KCTD16: variants seen among roughly 807,000 people sequenced by gnomAD.
KCTD16 encodes the protein potassium channel tetramerization domain containing 16.
KCTD16 carries 13 observed loss-of-function variants against 33.2 expected under a neutral mutation model. The observed-to-expected ratio is 0.39, with a 90% CI of 0.25 to 0.62. The LOEUF is 0.62. Ranked by LOEUF, KCTD16 falls within the 20% of genes least tolerant of loss-of-function variation. The pLI, the probability that KCTD16 is intolerant of heterozygous loss-of-function variation, is 0.50. For synonymous variants in KCTD16, 197 were observed against 195.3 expected (o/e 1.01, Z -0.07); for missense variants, 441 against 525.1 (o/e 0.84, Z 1.57).
intron 3 of KCTD16, among the ~76,000 whole-genome samples, chr5:144,326,191 A>C (rs73295849): frequency 2.6e-5 from 4 of 152,234 alleles, no homozygotes; most frequent in South Asian, 2.1e-4. Context: ...ATCTGTGACT[A>C]TTTTTCCTCA....
intron 3 of KCTD16, among the ~76,000 whole-genome samples, chr5:144,230,337 G>C (rs59284192): frequency 6.6e-6 from 1 of 152,082 alleles, no homozygotes; most frequent in Non-Finnish European, 1.5e-5. Flanking sequence ...TATAAAAATG[G>C]GTAGGTAATA....
At chr5:144,330,472 A>C (rs1347861368) in intron 3 of KCTD16, among the ~76,000 whole-genome samples, 1 of 151,816 alleles carries the variant, frequency 6.6e-6, no homozygotes, top group African/African-American at 2.4e-5. Context: ...TATAAAAATA[A>C]TCTGACTCTT....
intron 3 of KCTD16, among the ~76,000 whole-genome samples, chr5:144,356,907 GCACACAGT>G (rs1751583550): frequency 6.6e-6 from 1 of 151,174 alleles, no homozygotes; most frequent in South Asian, 2.1e-4. Flanking sequence ...TATTAATAAG[GCACACAGT>G]CACATTTCTT....
chr5:144,371,300 T>C (rs181441956), intron 3 of KCTD16, among the ~76,000 whole-genome samples: 65 of 152,304 alleles, frequency 4.3e-4, no homozygotes, highest in Middle Eastern at 6.8e-3. Context: ...ATGCACTTTT[T>C]TCAAGTATAA....
chr5:144,371,575 G>T (rs542615338), intron 3 of KCTD16, among the ~76,000 whole-genome samples: 5 of 152,080 alleles, frequency 3.3e-5, no homozygotes. Flanking sequence ...CATGCACAAC[G>T]ACAAGAAGCA....
chr5:144,351,614 G>A (rs770348556), intron 3 of KCTD16, among the ~76,000 whole-genome samples: 1 of 152,156 alleles, frequency 6.6e-6, no homozygotes, highest in Non-Finnish European at 1.5e-5. Context: ...CATGTTTATT[G>A]TAGCACTATT....
At chr5:144,367,075 A>T (rs1451838153) in intron 3 of KCTD16, among the ~76,000 whole-genome samples, 1 of 152,204 alleles carries the variant, frequency 6.6e-6, no homozygotes, top group South Asian at 2.1e-4. Flanking sequence ...GCCCAATCAC[A>T]GTTCCTTACC....
Position 144,483,192 on chromosome 5 carries a change from A to G in KCTD16, c.*9078A>G, listed in dbSNP as rs1163129858. 4 of 151,264 alleles carry G rather than the reference A, an allele frequency of 2.6e-5. No homozygotes were observed. The highest frequency in any genetic ancestry group is 2.9e-5 in the Non-Finnish European group (2 of 67,808). The allele number at this position is 151,264 out of a possible 1,614,324, so 9.4% of individuals were successfully genotyped here. A position where few individuals can be genotyped will look rare whatever the true frequency, so the allele number is the denominator to read the frequency against. On this transcript the variant is annotated 3_prime_UTR_variant, in exon 4 of 4. Coordinates refer to ENST00000512467, the MANE Select transcript of KCTD16 (RefSeq NM_020768.4). ...AAACCCAAAACACTACCAAATGAAC[A>G]GTGATAATGTTTAAGAAGAAAAAGA...
rs971056779 is a variant in KCTD16, at chr5:144,449,752, T to A, written c.833-23908T>A. ...TGTAATAGGGAAAAGTATAGTCTTT[T>A]CAACAAATAAATTGGACCTCTATCT... On this transcript the variant is annotated intron_variant, in intron 3 of 3. Transcript: ENST00000512467. Among the ~76,000 whole-genome samples, 20 of 152,122 alleles carry A rather than the reference T, an allele frequency of 1.3e-4. No individual in the cohort carries two copies. The South Asian group carries it at 4.1e-3, about 32-fold the overall frequency.
intron 3 of KCTD16, among the ~76,000 whole-genome samples, chr5:144,209,704 G>A (rs1753305388): frequency 6.6e-6 from 1 of 151,010 alleles, no homozygotes; most frequent in South Asian, 2.1e-4. Context: ...CGAAACCATG[G>A]GAGATGCTCT....
At chr5:144,201,899 T>A (rs1753051449) in intron 2 of KCTD16, among the ~76,000 whole-genome samples, 1 of 152,228 alleles carries the variant, frequency 6.6e-6, no homozygotes, top group Non-Finnish European at 1.5e-5. Context: ...GAAAGCTATC[T>A]CTGCTTGAGG....
intron 3 of KCTD16, among the ~76,000 whole-genome samples, chr5:144,238,407 C>T (rs190706553): frequency 6.6e-6 from 1 of 152,162 alleles, no homozygotes; most frequent in African/African-American, 2.4e-5. Context: ...AGCTCATTTG[C>T]CTTTCATTTA....
intron 1 of KCTD16, among the ~76,000 whole-genome samples, chr5:144,172,634 A>G (rs1328941930): frequency 6.6e-6 from 1 of 152,168 alleles, no homozygotes; most frequent in Non-Finnish European, 1.5e-5. Flanking sequence ...GAATGACCAC[A>G]TATTATGATT....
intron 3 of KCTD16, among the ~76,000 whole-genome samples, chr5:144,340,949 G>A (rs940046868): frequency 3.9e-5 from 6 of 152,058 alleles, no homozygotes; most frequent in African/African-American, 4.8e-5. Flanking sequence ...ACTAGGTGAG[G>A]CAGGAGAATC....
At chr5:144,301,012 A>G (rs1751423862) in intron 3 of KCTD16, among the ~76,000 whole-genome samples, 1 of 152,052 alleles carries the variant, frequency 6.6e-6, no homozygotes, top group Admixed American at 6.5e-5. Context: ...GGAGCCTGAG[A>G]CAGGAGGATC....
chr5:144,266,184 T>C, intron 3 of KCTD16, among the ~76,000 whole-genome samples: 1 of 152,334 alleles, frequency 6.6e-6, no homozygotes, highest in South Asian at 2.1e-4. Flanking sequence ...TATGTAAGTA[T>C]GTATGCATGC....
intron 3 of KCTD16, among the ~76,000 whole-genome samples, chr5:144,213,013 T>C (rs1429871433): frequency 6.6e-6 from 1 of 152,126 alleles, no homozygotes; most frequent in East Asian, 1.9e-4. Flanking sequence ...GGTATATATT[T>C]CTAAAATATA....
intron 3 of KCTD16, among the ~76,000 whole-genome samples, chr5:144,444,472 A>C (rs530643803): frequency 6.6e-6 from 1 of 152,250 alleles, no homozygotes; most frequent in South Asian, 2.1e-4. Context: ...CTTTTAAGCT[A>C]AATTCATCAA....
chr5:144,440,942 A>G (rs1056940269), intron 3 of KCTD16, among the ~76,000 whole-genome samples: 16 of 120,544 alleles, frequency 1.3e-4, no homozygotes, highest in African/African-American at 4.6e-4. Flanking sequence ...TCCTGTGTCC[A>G]TGTGTTCTCA....
Sources: allele counts gnomAD v4.1 joint callset (sites outside exome capture counted in the v4.1 genomes callset), GRCh38; gene constraint gnomAD v4.1.1; transcripts MANE v1.5; gene names NCBI Gene and HGNC (gene_info 2026-07-23, HGNC 2026-07-21).